The following IQCJ variants were observed in gnomAD, a reference collection of about 807,000 sequenced individuals.
IQCJ encodes the protein IQ domain-containing protein J.
In IQCJ, 9 loss-of-function variants were observed where a neutral mutation model predicts 11.0. That is an observed-to-expected ratio of 0.82 (90% CI 0.49 to 1.43). The LOEUF (loss-of-function observed/expected upper bound fraction) is 1.43. IQCJ is among the 40% of genes most tolerant of loss of function. The pLI, the probability that IQCJ is intolerant of heterozygous loss-of-function variation, is 0.00. For synonymous variants in IQCJ, 55 were observed against 51.3 expected (o/e 1.07, Z -0.31); for missense variants, 146 against 133.2 (o/e 1.10, Z -0.47).
At chr3:159,195,722 T>C (rs1385363606) in intron 1 of IQCJ, among the ~76,000 whole-genome samples, 1 of 152,218 alleles carries the variant, frequency 6.6e-6, no homozygotes, top group African/African-American at 2.4e-5. Flanking sequence ...CAGTTGAGCC[T>C]GAAACATAAA....
intron 1 of IQCJ, among the ~76,000 whole-genome samples, chr3:159,237,398 G>C (rs561457377): frequency 6.6e-6 from 1 of 152,346 alleles, no homozygotes; most frequent in Admixed American, 6.5e-5. Context: ...GTCTGTGACA[G>C]AAGAAAAGAC....
At chr3:159,118,924 A>C (rs754547964) in intron 1 of IQCJ, among the ~76,000 whole-genome samples, 1 of 152,182 alleles carries the variant, frequency 6.6e-6, no homozygotes, top group Non-Finnish European at 1.5e-5. Flanking sequence ...TCTTCTCACT[A>C]ACCACTCTGG....
chr3:159,231,498 C>T (rs75357690), intron 1 of IQCJ, among the ~76,000 whole-genome samples: 3,361 of 152,044 alleles, frequency 0.022, 114 homozygotes, highest in African/African-American at 0.077. Flanking sequence ...GTTTAAGAAT[C>T]GTTCCTTTTG....
intron 1 of IQCJ, among the ~76,000 whole-genome samples, chr3:159,176,878 C>G (rs2108005574): frequency 6.6e-6 from 1 of 152,216 alleles, no homozygotes; most frequent in East Asian, 1.9e-4. Context: ...TGAATAAGCT[C>G]TTACAGCATC....
chr3:159,132,101 G>A (rs1163798548), intron 1 of IQCJ, among the ~76,000 whole-genome samples: 1 of 152,146 alleles, frequency 6.6e-6, no homozygotes, highest in Non-Finnish European at 1.5e-5. Context: ...AAATGCTAAA[G>A]AAAGATCATG....
chr3:159,074,620 T>C (rs1715795846), intron 1 of IQCJ, among the ~76,000 whole-genome samples: 1 of 152,116 alleles, frequency 6.6e-6, no homozygotes, highest in Admixed American at 6.5e-5. Context: ...CAATTTACTG[T>C]CATTTAGAGA....
intron 1 of IQCJ, among the ~76,000 whole-genome samples, chr3:159,090,856 G>A (rs1222581254): frequency 6.6e-6 from 1 of 151,818 alleles, no homozygotes; most frequent in Non-Finnish European, 1.5e-5. Flanking sequence ...TTGTTCAGTT[G>A]TCTGGTTTCA....
At chr3:159,091,572 C>T (rs542893635) in intron 1 of IQCJ, among the ~76,000 whole-genome samples, 1 of 151,414 alleles carries the variant, frequency 6.6e-6, no homozygotes, top group South Asian at 2.1e-4. Context: ...TTGAGAGGGA[C>T]ACAAACATTC....
chr3:159,126,650 T>A (rs1719693596), intron 1 of IQCJ, among the ~76,000 whole-genome samples: 1 of 152,246 alleles, frequency 6.6e-6, no homozygotes, highest in African/African-American at 2.4e-5. Flanking sequence ...TTTCAAATAA[T>A]GTTTCCTCTT....
At chr3:159,096,372 A>C (rs1383587668) in intron 1 of IQCJ, among the ~76,000 whole-genome samples, 2 of 148,758 alleles carry the variant, frequency 1.3e-5, no homozygotes, top group Non-Finnish European at 3.0e-5. Context: ...TAGTTTAATT[A>C]GATCCCATTT....
chr3:159,108,427 C>T (rs1718407945), intron 1 of IQCJ, among the ~76,000 whole-genome samples: 1 of 152,084 alleles, frequency 6.6e-6, no homozygotes, highest in Non-Finnish European at 1.5e-5. Flanking sequence ...AAAGTAAAGG[C>T]AGTGTTTTGT....
intron 1 of IQCJ, among the ~76,000 whole-genome samples, chr3:159,108,445 G>A (rs1462145554): frequency 6.6e-6 from 1 of 152,098 alleles, no homozygotes; most frequent in Non-Finnish European, 1.5e-5. Flanking sequence ...TGTCATCTTA[G>A]GTATTTAATT....
rs1728278411 is a variant in IQCJ, at chr3:159,262,587, GC to G, written c.199del (p.Leu67TrpfsTer16). On this transcript the variant is annotated frameshift_variant, in exon 4 of 4. Transcript: ENST00000397832. LOFTEE classifies it high-confidence loss of function. ...GGCGAGAGTACCTGCAGCGGCAGGA[GC>G]CCCTGGGGAAGAGGAGCCCGTCCCC... The part of the protein sequence containing the change: ...AWREYLQRQE[P>X]LGKRSPSPPS... The G allele has an allele frequency of 6.2e-7, 1 of 1,613,786 alleles. No homozygotes were observed. The highest frequency in any genetic ancestry group is 1.3e-5 in the African/African-American group (1 of 74,936).
chr3:159,139,762 G>A (rs1351221516), intron 1 of IQCJ, among the ~76,000 whole-genome samples: 2 of 152,118 alleles, frequency 1.3e-5, no homozygotes, highest in African/African-American at 4.8e-5. Context: ...CAAGGAGGTG[G>A]GCCTTGAGCA....
intron 1 of IQCJ, among the ~76,000 whole-genome samples, chr3:159,228,330 C>A (rs910336638): frequency 6.6e-6 from 1 of 152,166 alleles, no homozygotes; most frequent in Non-Finnish European, 1.5e-5. Context: ...TCTGACATAT[C>A]TCGGTTTAGA....
chr3:159,115,328 A>C (rs1271781059), intron 1 of IQCJ, among the ~76,000 whole-genome samples: 1 of 152,144 alleles, frequency 6.6e-6, no homozygotes, highest in African/African-American at 2.4e-5. Context: ...AAGGTGAGAG[A>C]ATGGAGGATT....
chr3:159,069,751 C>T (rs1559971982), intron 1 of IQCJ: 2 of 554,096 alleles, frequency 3.6e-6, no homozygotes, highest in East Asian at 8.1e-5. Flanking sequence ...CTGTAAATAT[C>T]TTACACAACA....
intron 1 of IQCJ, among the ~76,000 whole-genome samples, chr3:159,227,581 G>T (rs1011450796): frequency 4.6e-5 from 7 of 152,168 alleles, no homozygotes; most frequent in African/African-American, 1.7e-4. Flanking sequence ...CTTCAAAGCT[G>T]CTGATGGCAG....
At chr3:159,204,342 T>C (rs942056408) in intron 1 of IQCJ, among the ~76,000 whole-genome samples, 1 of 152,238 alleles carries the variant, frequency 6.6e-6, no homozygotes, top group African/African-American at 2.4e-5. Flanking sequence ...TTCTCAGCTA[T>C]GGCTGTTTCC....
Sources: gnomAD v4.1 joint callset for allele counts (sites outside exome capture counted in the v4.1 genomes callset) on GRCh38, gnomAD v4.1.1 for gene constraint, MANE v1.5 for transcripts, NCBI Gene and HGNC (gene_info 2026-07-23, HGNC 2026-07-21) for gene names.